The following HOMER2 variants were observed in gnomAD, a reference collection of about 807,000 sequenced individuals.
HOMER2 encodes homer scaffold protein 2.
Under a neutral mutation model 47.0 loss-of-function variants are expected in HOMER2, and 27 were observed. That is an observed-to-expected ratio of 0.57 (90% CI 0.42 to 0.79). HOMER2 has a LOEUF of 0.79. Among genes scored for constraint, HOMER2 ranks in the 30% least tolerant of loss-of-function variants. HOMER2 has a pLI of 0.00. For synonymous variants in HOMER2, 161 were observed against 163.8 expected (o/e 0.98, Z 0.13); for missense variants, 443 against 435.0 (o/e 1.02, Z -0.16).
At chr15:82,865,657 T>G (rs899814615) in intron 3 of HOMER2, among the ~76,000 whole-genome samples, 4 of 152,182 alleles carry the variant, frequency 2.6e-5, no homozygotes, top group Non-Finnish European at 5.9e-5. Context: ...TCCCCGAGCT[T>G]TGGCAGGATC....
chr15:82,942,766 A>G (rs986706825), intron 1 of HOMER2, among the ~76,000 whole-genome samples: 1 of 152,180 alleles, frequency 6.6e-6, no homozygotes, highest in Admixed American at 6.5e-5. Context: ...GTTGATATAC[A>G]TGGGTCAGCT....
intron 2 of HOMER2, among the ~76,000 whole-genome samples, chr15:82,877,735 T>C (rs1015586533): frequency 1.3e-5 from 2 of 152,154 alleles, no homozygotes; most frequent in Middle Eastern, 3.2e-3. Context: ...CCAATGTCCA[T>C]CTGAGTCAGG....
intron 1 of HOMER2, among the ~76,000 whole-genome samples, chr15:82,944,925 T>G (rs545365059): frequency 6.6e-6 from 1 of 152,268 alleles, no homozygotes; most frequent in Non-Finnish European, 1.5e-5. Context: ...GGGTGCTTCC[T>G]GCTTGCAAAG....
upstream of HOMER2, chr15:82,985,940 C>A: frequency 2.2e-6 from 1 of 444,476 alleles, no homozygotes; most frequent in South Asian, 9.4e-5. Flanking sequence ...CGGTGATTCC[C>A]AGAACTTCCG....
In HOMER2 at chr15:82,849,380, G is replaced by A. The variant is rs2151593056; in HGVS notation, c.*335C>T. 2 of 249,118 alleles carry A rather than the reference G, an allele frequency of 8.0e-6. No individual in the cohort carries two copies. The highest frequency in any genetic ancestry group is 2.0e-4 in the South Asian group (2 of 9,840). The allele number at this position is 249,118 out of a possible 1,614,324, so 15.4% of individuals were successfully genotyped here. On this transcript the variant is annotated 3_prime_UTR_variant, in exon 9 of 9. Transcript: ENST00000450735. ...CTTGGTGTAAAGAATATCAATATTT[G>A]GATTACAAAATGCGTGTTTTTTCAG...
At chr15:82,924,360 CTTTTT>C (rs11318640) in intron 1 of HOMER2, among the ~76,000 whole-genome samples, 1 of 127,614 alleles carries the variant, frequency 7.8e-6, no homozygotes, top group Admixed American at 8.1e-5. Flanking sequence ...TGTGCTGGCC[CTTTTT>C]TTTTTTTTTT....
exon 2 of HOMER2, chr15:82,842,628 G>C (rs2051188747): frequency 1.3e-5 from 2 of 151,834 alleles, no homozygotes; most frequent in South Asian, 4.2e-4. Context: ...CAATATACTA[G>C]GCAAGTTTTG....
intron 1 of HOMER2, among the ~76,000 whole-genome samples, chr15:82,937,611 G>A (rs369906364): frequency 7.9e-5 from 12 of 152,324 alleles, no homozygotes; most frequent in African/African-American, 2.4e-4. Context: ...ACTCAAAGAG[G>A]TCATGCTGGT....
chr15:82,895,253 A>G (rs2052868884), intron 1 of HOMER2, among the ~76,000 whole-genome samples: 1 of 152,144 alleles, frequency 6.6e-6, no homozygotes, highest in African/African-American at 2.4e-5. Flanking sequence ...ATTCCCTCAA[A>G]CAGAGACCAA....
At chr15:82,962,364 CAAAAAAA>C (rs34651312) in intron 1 of HOMER2, among the ~76,000 whole-genome samples, 1 of 44,288 alleles carries the variant, frequency 2.3e-5, no homozygotes, top group African/African-American at 7.8e-5. Context: ...GACTCCGTCT[CAAAAAAA>C]AAAAAAAAAA....
chr15:82,882,297 G>A (rs1043926145), intron 2 of HOMER2, among the ~76,000 whole-genome samples: 4 of 152,158 alleles, frequency 2.6e-5, no homozygotes, highest in Non-Finnish European at 4.4e-5. Context: ...TGGAGAGAAG[G>A]TGGCCAGGCC....
chr15:82,904,056 G>A (rs1487087950), intron 1 of HOMER2, among the ~76,000 whole-genome samples: 1 of 152,076 alleles, frequency 6.6e-6, no homozygotes, highest in Non-Finnish European at 1.5e-5. Flanking sequence ...AGGATCGCTT[G>A]GGCCCGGGAG....
chr15:82,921,594 GCA>G (rs1188198577), intron 1 of HOMER2, among the ~76,000 whole-genome samples: 1 of 152,194 alleles, frequency 6.6e-6, no homozygotes, highest in Non-Finnish European at 1.5e-5. Context: ...CCGCTGATAT[GCA>G]CAGTGTCCCT....
At chr15:82,968,788 GTACTT>G (rs1485991508) in intron 1 of HOMER2, among the ~76,000 whole-genome samples, 1 of 152,180 alleles carries the variant, frequency 6.6e-6, no homozygotes, top group African/African-American at 2.4e-5. Context: ...AGTCTAAAAA[GTACTT>G]TATTTTGAGA....
At chr15:82,951,955 A>T (rs2054515670) in intron 1 of HOMER2, 4 of 609,166 alleles carry the variant, frequency 6.6e-6, no homozygotes, top group Non-Finnish European at 8.2e-6. Flanking sequence ...TCGACAGAGT[A>T]TTTCAACTTC....
intron 2 of HOMER2, among the ~76,000 whole-genome samples, chr15:82,881,662 A>T (rs1323390698): frequency 6.6e-6 from 1 of 152,224 alleles, no homozygotes; most frequent in African/African-American, 2.4e-5. Context: ...GGACGAGCAG[A>T]GCCTGAATGT....
chr15:82,902,701 T>G (rs2053160073), intron 1 of HOMER2, among the ~76,000 whole-genome samples: 1 of 152,298 alleles, frequency 6.6e-6, no homozygotes, highest in South Asian at 2.1e-4. Context: ...ATGCCATACC[T>G]GATATGAGGG....
chr15:82,919,409 A>G lies in HOMER2; in HGVS notation c.6-26568T>C, dbSNP rs966939039. Among the ~76,000 whole-genome samples the G allele has an allele frequency of 5.1e-4, 77 of 152,168 alleles. 1 individual carries two copies. Among genetic ancestry groups the G allele is most frequent in the African/African-American group, 1.7e-3 (70 of 41,428 alleles). ...CAAACAGCTCAGCCCAGTGAGGGAG[A>G]GTCATTAGGTAAGCCATCAACCACC... On this transcript the variant is annotated intron_variant, in intron 1 of 8. Transcript: ENST00000450735.
At chr15:82,898,953 CTAAT>C (rs1359481659) in intron 1 of HOMER2, among the ~76,000 whole-genome samples, 3 of 152,190 alleles carry the variant, frequency 2.0e-5, no homozygotes, top group Non-Finnish European at 2.9e-5. Context: ...GTAAGGTACC[CTAAT>C]TAGTTTGTAT....
Sources: allele counts gnomAD v4.1 joint callset (sites outside exome capture counted in the v4.1 genomes callset), GRCh38; gene constraint gnomAD v4.1.1; transcripts MANE v1.5; gene names NCBI Gene and HGNC (gene_info 2026-07-23, HGNC 2026-07-21).